FANCC: variants seen among roughly 807,000 people sequenced by gnomAD.
The protein encoded by FANCC is Fanconi anemia group C protein.
FANCC carries 55 observed loss-of-function variants against 71.3 expected under a neutral mutation model. That is an observed-to-expected ratio of 0.77 (90% confidence interval 0.62 to 0.97). The LOEUF (loss-of-function observed/expected upper bound fraction) is 0.97, where lower values mean the gene tolerates loss of function less well. FANCC is among the 50% of genes least tolerant of loss of function. FANCC has a pLI of 0.00. For synonymous variants in FANCC, 275 were observed against 244.9 expected (o/e 1.12, Z -1.15); for missense variants, 678 against 670.9 (o/e 1.01, Z -0.12).
At chr9:95,169,473 G>A (rs994257834) in intron 6 of FANCC, among the ~76,000 whole-genome samples, 1 of 152,108 alleles carries the variant, frequency 6.6e-6, no homozygotes, top group South Asian at 2.1e-4. Context: ...CAGTGCTCCC[G>A]GTCAGTAGAG....
intron 7 of FANCC, among the ~76,000 whole-genome samples, chr9:95,139,093 A>G (rs1044848744): frequency 2.0e-5 from 3 of 152,198 alleles, no homozygotes; most frequent in Admixed American, 1.3e-4. Flanking sequence ...AATTTGGCCG[A>G]GCCAACATAT....
chr9:95,286,703 G>A (rs1308958924), intron 1 of FANCC, among the ~76,000 whole-genome samples: 2 of 152,266 alleles, frequency 1.3e-5, no homozygotes, highest in East Asian at 1.9e-4. Context: ...AGTCTCGAGG[G>A]CTGATTACTG....
intron 4 of FANCC, among the ~76,000 whole-genome samples, chr9:95,240,125 ACTGGAAAGTGTGAGTG>A (rs1280463885): frequency 1.6e-4 from 24 of 152,222 alleles, no homozygotes; most frequent in African/African-American, 5.8e-4. Flanking sequence ...TAGGTAGCCA[ACTGGAAAGTGTGAGTG>A]AGCAGCAGAG....
intron 4 of FANCC, among the ~76,000 whole-genome samples, chr9:95,202,906 A>G (rs1827888071): frequency 6.6e-6 from 1 of 152,214 alleles, no homozygotes; most frequent in Non-Finnish European, 1.5e-5. Context: ...ATGGCATGAG[A>G]TCACATATGA....
At chr9:95,219,372 C>T (rs897974143) in intron 4 of FANCC, among the ~76,000 whole-genome samples, 1 of 152,058 alleles carries the variant, frequency 6.6e-6, no homozygotes, top group Non-Finnish European at 1.5e-5. Flanking sequence ...ATGTATATGC[C>T]AAAAAAGTGT....
At chr9:95,202,762 C>T (rs1032420343) in intron 4 of FANCC, among the ~76,000 whole-genome samples, 20 of 152,144 alleles carry the variant, frequency 1.3e-4, no homozygotes, top group African/African-American at 4.6e-4. Context: ...TCTTTTTCTT[C>T]TTCATCCCCA....
intron 4 of FANCC, among the ~76,000 whole-genome samples, chr9:95,226,253 G>A (rs1829605808): frequency 1.3e-5 from 2 of 152,078 alleles, no homozygotes; most frequent in Admixed American, 1.3e-4. Flanking sequence ...AAACCTCCAG[G>A]AAAAATACAC....
intron 1 of FANCC, among the ~76,000 whole-genome samples, chr9:95,311,339 T>C (rs1406731751): frequency 6.6e-6 from 1 of 151,208 alleles, no homozygotes; most frequent in Admixed American, 6.6e-5. Flanking sequence ...CTAAGTACAA[T>C]GCCTTATAAT....
intron 4 of FANCC, among the ~76,000 whole-genome samples, chr9:95,221,688 A>T (rs921764963): frequency 2.0e-5 from 3 of 152,240 alleles, no homozygotes; most frequent in African/African-American, 7.2e-5. Flanking sequence ...CTTAAGAAGA[A>T]GATAAATATT....
At chr9:95,226,990 T>C (rs1829660496) in intron 4 of FANCC, among the ~76,000 whole-genome samples, 1 of 152,136 alleles carries the variant, frequency 6.6e-6, no homozygotes, top group African/African-American at 2.4e-5. Context: ...GACGGTTCTG[T>C]GGAGACTGCA....
intron 6 of FANCC, among the ~76,000 whole-genome samples, chr9:95,150,338 A>G (rs1056933338): frequency 6.6e-6 from 1 of 152,192 alleles, no homozygotes; most frequent in African/African-American, 2.4e-5. Context: ...CAGGCACTTA[A>G]TATGTCCAAA....
intron 13 of FANCC, chr9:95,110,501 T>C (rs1265539082): frequency 3.9e-6 from 4 of 1,030,402 alleles, no homozygotes; most frequent in Non-Finnish European, 1.2e-6. Context: ...CTCAAATACA[T>C]ACGTGGGTTA....
At chr9:95,213,232 T>C (rs1383724270) in intron 4 of FANCC, among the ~76,000 whole-genome samples, 3 of 152,138 alleles carry the variant, frequency 2.0e-5, no homozygotes, top group Admixed American at 6.5e-5. Context: ...TATATTTCTA[T>C]AGGACACTGC....
At position 95,100,658 on chromosome 9, in the gene FANCC, T is replaced by C. The variant is rs1384101746; in HGVS notation, c.*1049A>G. 8.7e-6 allele frequency: 2 copies of C among 229,276 alleles called. No individual in the cohort carries two copies. Among genetic ancestry groups the C allele is most frequent in the Non-Finnish European group, 1.7e-5 (2 of 115,650 alleles). The allele number at this position is 229,276 out of a possible 1,614,324, so 14.2% of individuals were successfully genotyped here. A position where few individuals can be genotyped will look rare whatever the true frequency, so the allele number is the denominator to read the frequency against. On this transcript the variant is annotated 3_prime_UTR_variant, in exon 15 of 15. Transcript: ENST00000289081. ...AACAATGCCTTTTTTTAAGAGATGG[T>C]CTCGCTCTGTTGCCCAGGCTGGAGT...
At chr9:95,185,054 G>C (rs1229428413) in intron 4 of FANCC, among the ~76,000 whole-genome samples, 1 of 152,164 alleles carries the variant, frequency 6.6e-6, no homozygotes, top group African/African-American at 2.4e-5. Flanking sequence ...AAATGATAAA[G>C]AATTTCTTTC....
chr9:95,118,149 G>A (rs1002417053), intron 10 of FANCC, among the ~76,000 whole-genome samples: 4 of 152,058 alleles, frequency 2.6e-5, no homozygotes, highest in Non-Finnish European at 5.9e-5. Context: ...CTCCTGAGTA[G>A]CCGGGATTAC....
At chr9:95,172,858 G>T (rs1378051240) in intron 4 of FANCC, among the ~76,000 whole-genome samples, 1 of 152,112 alleles carries the variant, frequency 6.6e-6, no homozygotes, top group Non-Finnish European at 1.5e-5. Context: ...AAAATCCTGG[G>T]AGTAAATCAT....
chr9:95,103,953 A>C (rs898863706), intron 14 of FANCC, among the ~76,000 whole-genome samples: 2 of 152,178 alleles, frequency 1.3e-5, no homozygotes, highest in African/African-American at 2.4e-5. Flanking sequence ...TCTGGATGCC[A>C]AGATAGAGGG....
At chr9:95,294,506 T>C (rs951032315) in intron 1 of FANCC, 12 of 1,576,048 alleles carry the variant, frequency 7.6e-6, no homozygotes, top group Middle Eastern at 1.7e-4. Context: ...CTGGGAAGTA[T>C]TCTGAAACAC....
Sources: gnomAD v4.1 joint callset for allele counts (sites outside exome capture counted in the v4.1 genomes callset) on GRCh38, gnomAD v4.1.1 for gene constraint, MANE v1.5 for transcripts, NCBI Gene and HGNC (gene_info 2026-07-23, HGNC 2026-07-21) for gene names.